L3HYPDH: variants seen among roughly 807,000 people sequenced by gnomAD.
L3HYPDH encodes trans-3-hydroxy-L-proline dehydratase.
A neutral mutation model predicts 26.5 loss-of-function variants in L3HYPDH; 32 were observed. The observed-to-expected ratio is 1.21, with a 90% CI of 0.91 to 1.62. The LOEUF (loss-of-function observed/expected upper bound fraction) is 1.62. Ranked by LOEUF, L3HYPDH falls within the 40% of genes most tolerant of loss-of-function variation. L3HYPDH has a pLI of 0.00. For missense variants in L3HYPDH, 554 were observed against 476.4 expected (o/e 1.16, Z -1.52); for synonymous variants, 215 against 196.6 (o/e 1.09, Z -0.78).
chr14:59,501,243 G>A, the L3HYPDH span: 4 of 1,602,140 alleles, frequency 2.5e-6, no homozygotes, highest in African/African-American at 1.3e-5. Context: ...CTCTGGCTGT[G>A]TACATGTCTG....
the L3HYPDH span, chr14:59,494,911 T>G: frequency 1.4e-6 from 1 of 718,852 alleles, no homozygotes; most frequent in Non-Finnish European, 2.3e-6. Context: ...AGTTTTTGAC[T>G]TTTCTTATAG....
the L3HYPDH span, chr14:59,504,211 G>C: frequency 1.6e-6 from 1 of 631,750 alleles, no homozygotes; most frequent in Non-Finnish European, 2.7e-6. Flanking sequence ...GTTTGTCTTT[G>C]TTTTGTTTAT....
chr14:59,499,316 T>G, the L3HYPDH span, among the ~76,000 whole-genome samples: 1 of 152,142 alleles, frequency 6.6e-6, no homozygotes, highest in Non-Finnish European at 1.5e-5. Context: ...TAAAATATTT[T>G]AAAAATCTAA....
At chr14:59,497,982 A>G in the L3HYPDH span, among the ~76,000 whole-genome samples, 81 of 152,344 alleles carry the variant, frequency 5.3e-4, no homozygotes, top group East Asian at 0.012. Flanking sequence ...TAAAAGTCCC[A>G]TTATTCAAAA....
chr14:59,489,365 C>T (rs377321311), upstream of L3HYPDH, among the ~76,000 whole-genome samples: 39 of 152,320 alleles, frequency 2.6e-4, no homozygotes, highest in South Asian at 5.8e-3. Context: ...AGGACATGGA[C>T]ACAATGCAGC....
chr14:59,502,662 G>A, the L3HYPDH span, among the ~76,000 whole-genome samples: 2 of 151,768 alleles, frequency 1.3e-5, no homozygotes, highest in Admixed American at 6.6e-5. Context: ...AAAGAAGATA[G>A]GAAAATTAGT....
chr14:59,481,635 C>T (rs994450218), intron 1 of L3HYPDH, among the ~76,000 whole-genome samples: 1 of 152,150 alleles, frequency 6.6e-6, no homozygotes, highest in East Asian at 1.9e-4. Flanking sequence ...GTAGAAGATA[C>T]GAGAAGTACA....
chr14:59,501,578 G>C, the L3HYPDH span, among the ~76,000 whole-genome samples: 2,383 of 152,174 alleles, frequency 0.016, 65 homozygotes, highest in African/African-American at 0.054. Flanking sequence ...CTTATTAACA[G>C]TATTTTGAGA....
downstream of L3HYPDH, among the ~76,000 whole-genome samples, chr14:59,468,817 C>T (rs1470719736): frequency 6.6e-6 from 1 of 152,168 alleles, no homozygotes; most frequent in Non-Finnish European, 1.5e-5. Context: ...TAAGGAGAGG[C>T]ATTCTAACAG....
chr14:59,497,033 A>G, the L3HYPDH span, among the ~76,000 whole-genome samples: 2 of 151,616 alleles, frequency 1.3e-5, no homozygotes, highest in East Asian at 1.9e-4. Context: ...ACAAAAAGCA[A>G]TAGCACACAG....
chr14:59,495,154 A>T, the L3HYPDH span: 2 of 1,613,840 alleles, frequency 1.2e-6, no homozygotes, highest in Non-Finnish European at 1.7e-6. Flanking sequence ...TGACTGGTAC[A>T]CGATGCTTTA....
chr14:59,504,340 G>T, the L3HYPDH span: 1 of 397,236 alleles, frequency 2.5e-6, no homozygotes, highest in Non-Finnish European at 4.5e-6. Context: ...CAGTTCAGCT[G>T]TTCTTTAGGG....
chr14:59,479,451 T>A (rs985991368), intron 1 of L3HYPDH, 100 bp from the exon 2 acceptor site: 1 of 1,092,212 alleles, frequency 9.2e-7, no homozygotes, highest in African/African-American at 1.6e-5. Flanking sequence ...TCAAGAGGGA[T>A]GTTCTTTTCC....
downstream of L3HYPDH, among the ~76,000 whole-genome samples, chr14:59,470,787 C>T (rs2139792843): frequency 6.6e-6 from 1 of 151,998 alleles, no homozygotes; most frequent in Non-Finnish European, 1.5e-5. Context: ...GAAAATGTTC[C>T]CAATGAGGAG....
At chr14:59,486,867 AC>A (rs1890620822), upstream of L3HYPDH, 3 of 1,126,228 alleles carry the variant, frequency 2.7e-6, no homozygotes, top group Non-Finnish European at 2.6e-6. Flanking sequence ...AAATATTTTC[AC>A]ATACAACATT....
the L3HYPDH span, chr14:59,495,454 A>G: frequency 1.1e-4 from 55 of 487,014 alleles, 3 homozygotes; most frequent in South Asian, 1.3e-3. Flanking sequence ...TAATCCACAC[A>G]TTCTAGATAC....
the L3HYPDH span, among the ~76,000 whole-genome samples, chr14:59,503,241 AAGAG>A: frequency 4.6e-5 from 7 of 152,196 alleles, no homozygotes; most frequent in Non-Finnish European, 1.0e-4. Context: ...GCTGTTTAAT[AAGAG>A]AAAGTTAGTA....
chr14:59,488,508 T>C (rs1375353963), upstream of L3HYPDH, among the ~76,000 whole-genome samples: 1 of 152,126 alleles, frequency 6.6e-6, no homozygotes, highest in Admixed American at 6.5e-5. Context: ...AATAATGGCA[T>C]AGAGGTATGA....
chr14:59,487,748 T>C, upstream of L3HYPDH: 2 of 1,613,334 alleles, frequency 1.2e-6, no homozygotes, highest in East Asian at 2.2e-5. Flanking sequence ...AACTTTATGA[T>C]TGGCTCTATC....
Sources: gnomAD v4.1 joint callset for allele counts (sites outside exome capture counted in the v4.1 genomes callset) on GRCh38, gnomAD v4.1.1 for gene constraint, MANE v1.5 for transcripts, NCBI Gene and HGNC (gene_info 2026-07-23, HGNC 2026-07-21) for gene names.